The following GPX7 variants were observed in gnomAD, a reference collection of about 807,000 sequenced individuals.
The protein encoded by GPX7 is protein peroxidase GPX7.
GPX7 carries 21 observed loss-of-function variants against 23.7 expected under a neutral mutation model. The observed-to-expected ratio is 0.89, with a 90% CI of 0.63 to 1.28. The LOEUF (loss-of-function observed/expected upper bound fraction) is 1.28, where lower values mean the gene tolerates loss of function less well. GPX7 is among the 50% of genes most tolerant of loss of function. The pLI, the probability that GPX7 is intolerant of heterozygous loss-of-function variation, is 0.00. For synonymous variants in GPX7, 112 were observed against 101.8 expected (o/e 1.10, Z -0.61); for missense variants, 238 against 237.3 (o/e 1.00, Z -0.02).
At chr1:52,604,530 T>A (rs1367773239) in intron 1 of GPX7, among the ~76,000 whole-genome samples, 1 of 152,212 alleles carries the variant, frequency 6.6e-6, no homozygotes, top group African/African-American at 2.4e-5. Context: ...GGGTTATGTG[T>A]AGTGTGTGCC....
chr1:52,606,946 G>A lies in GPX7; in HGVS notation c.400+1G>A, dbSNP rs748136331. 44 of 1,613,680 alleles carry A rather than the reference G, an allele frequency of 2.7e-5. No homozygotes were observed. The highest frequency in any genetic ancestry group is 4.5e-5 in the East Asian group (2 of 44,894). ...CATCCTGCCTTCAAGTACCTGGCCC[G>A]TAAGTCCTGGTCTCTTCATCCCCTC... On this transcript the variant is annotated splice_donor_variant, in intron 2 of 2. Transcript: ENST00000361314. LOFTEE classifies it high-confidence loss of function.
intron 1 of GPX7, among the ~76,000 whole-genome samples, chr1:52,604,304 G>T (rs1393962687): frequency 6.6e-6 from 1 of 152,222 alleles, no homozygotes; most frequent in African/African-American, 2.4e-5. Flanking sequence ...AGCTGTAATT[G>T]GTGCTGAGTT....
chr1:52,603,482 T>C (rs933902792), intron 1 of GPX7, among the ~76,000 whole-genome samples: 4 of 152,036 alleles, frequency 2.6e-5, no homozygotes, highest in African/African-American at 7.3e-5. Context: ...GAACACTACA[T>C]TGAGAGGCCT....
At chr1:52,606,662 T>G in intron 1 of GPX7, 22 bp from the exon 2 acceptor site, 3 of 1,606,916 alleles carry the variant, frequency 1.9e-6, no homozygotes, top group Non-Finnish European at 2.5e-6. Flanking sequence ...GGGCTTTGTT[T>G]TGTTTTGTTT....
chr1:52,603,893 C>T (rs1389006233), intron 1 of GPX7, among the ~76,000 whole-genome samples: 1 of 152,108 alleles, frequency 6.6e-6, no homozygotes, highest in Non-Finnish European at 1.5e-5. Flanking sequence ...GAACAGGGCC[C>T]GCTCCAATTC....
Position 52,608,510 on chromosome 1 carries a change from G to A in GPX7, c.*85G>A. On this transcript the variant is annotated 3_prime_UTR_variant, in exon 3 of 3. Transcript: ENST00000361314. Reference sequence around the variant, plus strand: ...AAACTCAAATGGTGCTTCAAAGGGAGAGACCCACTGACTCTCCTTCCTTTA... The same window carrying A: ...AAACTCAAATGGTGCTTCAAAGGGAAAGACCCACTGACTCTCCTTCCTTTA... 8.5e-7 allele frequency: 1 copy of A among 1,179,146 alleles called. No individual in the cohort carries two copies. Among genetic ancestry groups the A allele is most frequent in the African/African-American group, 1.5e-5 (1 of 64,924 alleles). The allele number at this position is 1,179,146 out of a possible 1,614,324, so 73.0% of individuals were successfully genotyped here.
intron 1 of GPX7, among the ~76,000 whole-genome samples, chr1:52,602,999 GAGATCAATGTGC>G (rs1690818401): frequency 1.6e-5 from 2 of 125,982 alleles, no homozygotes; most frequent in African/African-American, 6.5e-5. Flanking sequence ...GAACACTGTG[GAGATCAATGTGC>G]AGGGCAGAGA....
chr1:52,608,631 T>G lies in GPX7; in HGVS notation c.*206T>G. Reference sequence around the variant, plus strand: ...GCAACAAATAGGAACTCCTGGCCAATGAGAGCTCTTGACCAGTGAATCACC... The same window carrying G: ...GCAACAAATAGGAACTCCTGGCCAAGGAGAGCTCTTGACCAGTGAATCACC... On this transcript the variant is annotated 3_prime_UTR_variant, in exon 3 of 3. Coordinates refer to ENST00000361314, the MANE Select transcript of GPX7 (RefSeq NM_015696.5). 2.7e-6 allele frequency: 1 copy of G among 370,168 alleles called. No individual in the cohort carries two copies. The highest frequency in any genetic ancestry group is 4.8e-6 in the Non-Finnish European group (1 of 207,022). 22.9% of individuals were successfully genotyped at this position (370,168 alleles called of 1,614,324 possible).
rs375456136 is a variant in GPX7 at position 52,602,545 on chromosome 1, T to C, written c.136T>C (p.Ser46Pro). ...GGTGTCGCTGGAGAAGTACCGCGGA[T>C]CGGTGAGTGCGCGGGGTCTGGCGGC... ...KLVSLEKYRG[S>P]VSLVVNVASE... The change falls in exon 1 of 3, where the codon TCG becomes CCG. Residue 46 changes from serine (S) to proline (P), a missense_variant and splice_region_variant. By Grantham distance (74) the Ser-to-Pro change is moderately conservative. Coordinates refer to ENST00000361314, the MANE Select transcript of GPX7 (RefSeq NM_015696.5). The C allele has an allele frequency of 1.3e-6, 2 of 1,554,690 alleles. No individual in the cohort carries two copies. The highest frequency in any genetic ancestry group is 1.7e-6 in the Non-Finnish European group (2 of 1,153,974).
rs1970951 is a variant in GPX7, at chr1:52,606,782, T to C, written c.237T>C (p.Phe79=). ...QLQRDLGPHH[F]NVLAFPCNQF... ...AGCGAGACCTGGGCCCCCACCACTT[T>C]AACGTGCTCGCCTTCCCCTGCAACC... Residue 79 remains phenylalanine (F), a synonymous_variant, in exon 2 of 3, where the codon TTT becomes TTC. Coordinates refer to ENST00000361314, the MANE Select transcript of GPX7 (RefSeq NM_015696.5). The C allele has an allele frequency of 0.84, 1,352,713 of 1,614,090 alleles. 567,730 individuals are homozygous for C. Among genetic ancestry groups the C allele is most frequent in the African/African-American group, 0.96 (71,879 of 75,036 alleles).
rs768779420 is a variant in GPX7 at position 52,606,810 on chromosome 1, T to G, written c.265T>G (p.Phe89Val). 13 of 1,614,048 alleles carry G rather than the reference T, an allele frequency of 8.1e-6. No individual in the cohort carries two copies. The highest frequency in any genetic ancestry group is 3.3e-5 in the Admixed American group (2 of 60,000). ...CGTGCTCGCCTTCCCCTGCAACCAG[T>G]TTGGCCAACAGGAGCCTGACAGCAA... is the stretch of plus-strand genomic sequence containing the variant. ...FNVLAFPCNQFGQQEPDSNKE... is the reference protein window; with the variant it reads ...FNVLAFPCNQVGQQEPDSNKE... The change falls in exon 2 of 3, where the codon TTT (phenylalanine) becomes GTT (valine). Residue 89 changes from phenylalanine (F) to valine (V), a missense_variant. Physicochemically the swap from Phe to Val is conservative, Grantham distance 50. Coordinates refer to ENST00000361314, the MANE Select transcript of GPX7 (RefSeq NM_015696.5).
At chr1:52,603,265 GAGA>G (rs1407609757) in intron 1 of GPX7, among the ~76,000 whole-genome samples, 1 of 151,386 alleles carries the variant, frequency 6.6e-6, no homozygotes, top group Non-Finnish European at 1.5e-5. Flanking sequence ...TCTAAGCTCA[GAGA>G]AGACTTCGGA....
intron 1 of GPX7, among the ~76,000 whole-genome samples, chr1:52,604,471 AG>A (rs1420333348): frequency 2.0e-5 from 3 of 152,218 alleles, no homozygotes; most frequent in Non-Finnish European, 2.9e-5. Flanking sequence ...TTGGGACCAT[AG>A]TCATTTAGAC....
At chr1:52,604,233 CAG>C (rs1198962107) in intron 1 of GPX7, among the ~76,000 whole-genome samples, 1 of 152,194 alleles carries the variant, frequency 6.6e-6, no homozygotes, top group Non-Finnish European at 1.5e-5. Context: ...AGTCCAGCTC[CAG>C]AGTCTATGCT....
rs765290954 is a variant in GPX7 at position 52,606,701 on chromosome 1, T to C, written c.156T>C (p.Asn52=). The change falls in exon 2 of 3, where the codon AAT becomes AAC. Residue 52 remains asparagine (N), a synonymous_variant. Transcript: ENST00000361314. Reference sequence around the variant, plus strand: ...TCATACAGGTGTCCCTGGTGGTGAATGTGGCCAGCGAGTGCGGCTTCACAG... The same window carrying C: ...TCATACAGGTGTCCCTGGTGGTGAACGTGGCCAGCGAGTGCGGCTTCACAG... ...KYRGSVSLVV[N]VASECGFTDQ... is the part of the protein sequence containing the mutation. 1.9e-6 allele frequency: 3 copies of C among 1,613,800 alleles called. No homozygotes were observed. The highest frequency in any genetic ancestry group is 2.2e-5 in the East Asian group (1 of 44,870).
At chr1:52,607,170 C>T (rs911474017) in intron 2 of GPX7, 23 of 573,606 alleles carry the variant, frequency 4.0e-5, no homozygotes, top group Non-Finnish European at 6.8e-5. Flanking sequence ...TACCTGCTGC[C>T]TCTCACTTGT....
Position 52,606,882 on chromosome 1 carries a change from C to G in GPX7, c.337C>G (p.Pro113Ala), listed in dbSNP as rs1466185959. 6.2e-7 allele frequency: 1 copy of G among 1,614,164 alleles called. No homozygotes were observed. ...FARRTYSVSF[P>A]MFSKIAVTGT... ...CCGCCGCACCTACAGTGTCTCATTC[C>G]CCATGTTTAGCAAGATTGCAGTCAC... The change falls in exon 2 of 3, where the codon CCC becomes GCC. Residue 113 changes from proline (P) to alanine (A), a missense_variant. Transcript: ENST00000361314.
At chr1:52,604,304 G>A (rs1393962687) in intron 1 of GPX7, among the ~76,000 whole-genome samples, 1 of 152,222 alleles carries the variant, frequency 6.6e-6, no homozygotes, top group Non-Finnish European at 1.5e-5. Flanking sequence ...AGCTGTAATT[G>A]GTGCTGAGTT....
chr1:52,608,194 A>C, intron 2 of GPX7, 68 bp from the exon 3 acceptor site: 3 of 1,430,370 alleles, frequency 2.1e-6, no homozygotes, highest in Non-Finnish European at 1.9e-6. Flanking sequence ...AAAGATGGAC[A>C]CTGAGAGTGA....
Sources: gnomAD v4.1 joint callset for allele counts (sites outside exome capture counted in the v4.1 genomes callset) on GRCh38, gnomAD v4.1.1 for gene constraint, MANE v1.5 for transcripts, NCBI Gene and HGNC (gene_info 2026-07-23, HGNC 2026-07-21) for gene names.